The following LOC122539214 variants were observed in gnomAD, a reference collection of about 807,000 sequenced individuals.
chr19:52,680,743 A>G, the LOC122539214 span, among the ~76,000 whole-genome samples: 95,484 of 132,700 alleles, frequency 0.72, 34,048 homozygotes, highest in African/African-American at 0.82. Context: ...CTCCCGAGTA[A>G]CTGGGACTAC....
the LOC122539214 span, among the ~76,000 whole-genome samples, chr19:52,681,397 G>C: frequency 6.6e-6 from 1 of 151,712 alleles, no homozygotes; most frequent in South Asian, 2.1e-4. Context: ...GGTGTCTAGA[G>C]AGGACAAAGT....
At chr19:52,680,012 G>T in the LOC122539214 span, among the ~76,000 whole-genome samples, 340 of 152,084 alleles carry the variant, frequency 2.2e-3, 1 homozygote, top group Non-Finnish European at 4.0e-3. Context: ...AAGTCCTGTC[G>T]CTACTAAAAA....
the LOC122539214 span, among the ~76,000 whole-genome samples, chr19:52,664,499 T>C: frequency 1.3e-5 from 2 of 151,844 alleles, no homozygotes; most frequent in African/African-American, 2.4e-5. Flanking sequence ...CCATCTCCAA[T>C]TAAAAAAAGA....
chr19:52,652,703 CT>C, the LOC122539214 span: 3 of 652,452 alleles, frequency 4.6e-6, no homozygotes, highest in Non-Finnish European at 8.3e-6. Context: ...TTACTGAGGA[CT>C]TTGTGAGAAT....
the LOC122539214 span, among the ~76,000 whole-genome samples, chr19:52,685,897 C>CAAAAAAA: frequency 1.5e-5 from 2 of 132,442 alleles, no homozygotes; most frequent in Admixed American, 8.4e-5. Flanking sequence ...GTAACTGTCA[C>CAAAAAAA]AAAAAAAAAA....
the LOC122539214 span, among the ~76,000 whole-genome samples, chr19:52,677,144 GAAA>G: frequency 7.7e-6 from 1 of 130,070 alleles, no homozygotes; most frequent in Non-Finnish European, 1.7e-5. Flanking sequence ...AAGAAAAAAA[GAAA>G]AAAAAATAAA....
the LOC122539214 span, among the ~76,000 whole-genome samples, chr19:52,660,381 A>T: frequency 6.6e-6 from 1 of 151,386 alleles, no homozygotes; most frequent in East Asian, 1.9e-4. Context: ...GCAACAGTGA[A>T]AAACTGTCAA....
At chr19:52,687,345 T>A in the LOC122539214 span, among the ~76,000 whole-genome samples, 1 of 119,000 alleles carries the variant, frequency 8.4e-6, no homozygotes, top group African/African-American at 3.7e-5. Context: ...GATATATAAT[T>A]TATATAGCTA....
At chr19:52,684,642 G>C in the LOC122539214 span, among the ~76,000 whole-genome samples, 5 of 152,122 alleles carry the variant, frequency 3.3e-5, no homozygotes, top group African/African-American at 4.8e-5. Flanking sequence ...GAGACTGGTG[G>C]GCAGAGGGAA....
chr19:52,655,303 C>A, the LOC122539214 span: 3 of 338,750 alleles, frequency 8.9e-6, no homozygotes, highest in Admixed American at 4.5e-5. Flanking sequence ...CTACCAGGGG[C>A]ATCTCTGCTT....
the LOC122539214 span, among the ~76,000 whole-genome samples, chr19:52,672,659 G>C: frequency 4.6e-5 from 7 of 152,298 alleles, no homozygotes; most frequent in African/African-American, 9.6e-5. Context: ...GGGTGCAATG[G>C]CACGGTCTCG....
the LOC122539214 span, among the ~76,000 whole-genome samples, chr19:52,683,461 A>G: frequency 1.4e-4 from 21 of 146,196 alleles, no homozygotes; most frequent in Non-Finnish European, 2.7e-4. Context: ...GTTGTGTAGG[A>G]GTGTGTCCTT....
chr19:52,655,754 A>C, the LOC122539214 span: 1 of 695,774 alleles, frequency 1.4e-6, no homozygotes. Context: ...AAAATGAGAA[A>C]AGAGAAAATA....
the LOC122539214 span, chr19:52,654,426 G>T: frequency 2.1e-6 from 2 of 952,288 alleles, no homozygotes; most frequent in South Asian, 2.3e-5. Context: ...AAGACCAATA[G>T]GTTTCCAATT....
chr19:52,652,372 T>C, the LOC122539214 span: 2 of 312,476 alleles, frequency 6.4e-6, no homozygotes, highest in African/African-American at 2.2e-5. Flanking sequence ...GAGGTGGAGG[T>C]TGCCGTGAGC....
At chr19:52,651,280 GATATA>G in the LOC122539214 span, 1 of 152,180 alleles carries the variant, frequency 6.6e-6, no homozygotes, top group South Asian at 2.1e-4. Context: ...AGATAGTCAG[GATATA>G]TTCACTTTTG....
At chr19:52,657,499 G>A in the LOC122539214 span, among the ~76,000 whole-genome samples, 20 of 148,384 alleles carry the variant, frequency 1.3e-4, no homozygotes, top group African/African-American at 4.8e-4. Flanking sequence ...CTGCACTCCA[G>A]CCTGGGTGAC....
chr19:52,667,810 T>C, the LOC122539214 span, among the ~76,000 whole-genome samples: 1 of 152,158 alleles, frequency 6.6e-6, no homozygotes, highest in African/African-American at 2.4e-5. Flanking sequence ...GACATTAACA[T>C]TGGATAAATA....
chr19:52,680,636 G>A, the LOC122539214 span, among the ~76,000 whole-genome samples: 72 of 117,980 alleles, frequency 6.1e-4, no homozygotes, highest in Non-Finnish European at 8.2e-4. Flanking sequence ...TTTTTGAGAC[G>A]GAGTCTCGCT....
Sources: gnomAD v4.1 joint callset for allele counts (sites outside exome capture counted in the v4.1 genomes callset) on GRCh38, gnomAD v4.1.1 for gene constraint, MANE v1.5 for transcripts.